STAP2: variants seen among roughly 807,000 people sequenced by gnomAD.
The protein encoded by STAP2 is signal-transducing adaptor protein 2.
In STAP2, 58 loss-of-function variants were observed where a neutral mutation model predicts 52.7. That is an observed-to-expected ratio of 1.10 (90% confidence interval 0.89 to 1.37). The LOEUF (loss-of-function observed/expected upper bound fraction) is 1.37, where lower values mean the gene tolerates loss of function less well. Ranked by LOEUF, STAP2 falls within the 40% of genes most tolerant of loss-of-function variation. STAP2 has a pLI of 0.00. For missense variants in STAP2, 522 were observed against 519.4 expected (o/e 1.00, Z -0.05); for synonymous variants, 231 against 210.5 (o/e 1.10, Z -0.84).
At chr19:4,326,488 A>G (rs959350328) in intron 9 of STAP2, among the ~76,000 whole-genome samples, 7 of 151,824 alleles carry the variant, frequency 4.6e-5, no homozygotes, top group African/African-American at 1.7e-4. Context: ...CATAAACAGG[A>G]CCGATTTCCA....
chr19:4,335,832 T>C (rs574699604), intron 1 of STAP2, among the ~76,000 whole-genome samples: 108 of 152,256 alleles, frequency 7.1e-4, no homozygotes, highest in African/African-American at 2.4e-3. Flanking sequence ...CACCAGGGCC[T>C]GCGTTGAGTC....
chr19:4,334,853 T>C (rs57159556), intron 1 of STAP2, among the ~76,000 whole-genome samples: 26 of 26,764 alleles, frequency 9.7e-4, no homozygotes, highest in Non-Finnish European at 1.5e-3. Context: ...ATCCATCCAC[T>C]CATCTATCAA....
intron 1 of STAP2, among the ~76,000 whole-genome samples, 169 bp from the exon 2 acceptor site, chr19:4,334,213 G>A (rs530107181): frequency 6.6e-6 from 1 of 152,126 alleles, no homozygotes; most frequent in East Asian, 1.9e-4. Context: ...ACCTTCTCAG[G>A]GAGATCCTCC....
Position 4,327,156 on chromosome 19 carries a change from A to G in STAP2, c.731T>C (p.Phe244Ser). ...CTTCTCGTAGTCCTCGTCTAACAGG[A>G]ATGGCACCAGCGCCTTTTTGGTATG... The part of the protein sequence containing the change: ...VSHTKKALVP[F>S]LLDEDYEKVL... The change falls in exon 8 of 13, where the codon TTC becomes TCC. Residue 244 changes from phenylalanine (F) to serine (S), a missense_variant. Physicochemically the swap from Phe to Ser is radical, Grantham distance 155. Transcript: ENST00000594605. 6.2e-7 allele frequency: 1 copy of G among 1,614,162 alleles called. No individual in the cohort carries two copies. The highest frequency in any genetic ancestry group is 8.5e-7 in the Non-Finnish European group (1 of 1,180,018).
chr19:4,331,004 C>T (rs12975014), intron 4 of STAP2, among the ~76,000 whole-genome samples: 3 of 151,962 alleles, frequency 2.0e-5, no homozygotes, highest in African/African-American at 7.2e-5. Context: ...TGAGCCACCA[C>T]GCCTGGCCAA....
At chr19:4,331,795 G>A (rs1309519532) in intron 4 of STAP2, among the ~76,000 whole-genome samples, 2 of 151,994 alleles carry the variant, frequency 1.3e-5, no homozygotes, top group South Asian at 2.1e-4. Flanking sequence ...AGCCGGGCGT[G>A]GTGGCGGGCT....
At chr19:4,336,588 C>T (rs2144796956) in intron 1 of STAP2, among the ~76,000 whole-genome samples, 1 of 151,982 alleles carries the variant, frequency 6.6e-6, no homozygotes, top group African/African-American at 2.4e-5. Context: ...TGTTGGGTTA[C>T]AGGCGTGAGC....
chr19:4,334,800 AT>A (rs1971947942), intron 1 of STAP2, among the ~76,000 whole-genome samples: 5 of 4,768 alleles, frequency 1.0e-3, no homozygotes, highest in Admixed American at 4.1e-3. Context: ...CCATCCATCC[AT>A]CCCTCCATCA....
intron 1 of STAP2, among the ~76,000 whole-genome samples, chr19:4,336,266 C>T (rs1971978577): frequency 1.3e-5 from 2 of 151,356 alleles, no homozygotes; most frequent in Non-Finnish European, 2.9e-5. Context: ...CCGCCGGCCT[C>T]GCCCTCCCAA....
chr19:4,334,487 T>C (rs1482025283), intron 1 of STAP2, among the ~76,000 whole-genome samples: 1 of 150,964 alleles, frequency 6.6e-6, no homozygotes, highest in African/African-American at 2.4e-5. Flanking sequence ...ATTCACCCAT[T>C]CATCCATCCA....
intron 1 of STAP2, 116 bp downstream of exon 1, chr19:4,338,536 G>A (rs1285270109): frequency 1.0e-6 from 1 of 1,001,912 alleles, no homozygotes; most frequent in South Asian, 1.7e-5. Context: ...CACGTGTCCT[G>A]CCCCATCCAG....
intron 4 of STAP2, 56 bp downstream of exon 4, chr19:4,331,966 C>T: frequency 1.9e-6 from 3 of 1,541,322 alleles, no homozygotes; most frequent in Middle Eastern, 1.7e-4. Context: ...AAAAAGGAGG[C>T]TTTTTGAGGA....
intron 1 of STAP2, chr19:4,338,326 T>C (rs74597185): frequency 0.043 from 7,292 of 169,658 alleles, 178 homozygotes; most frequent in Middle Eastern, 0.11. Context: ...AAGTCCCTGA[T>C]CTTGTTTGTA....
At chr19:4,324,797 C>G (rs1971757855) in intron 11 of STAP2, 1 of 458,486 alleles carries the variant, frequency 2.2e-6, no homozygotes, top group African/African-American at 2.0e-5. Context: ...GCGCCACTGC[C>G]TGGGCAACAG....
chr19:4,329,501 C>T (rs910946901), intron 5 of STAP2, among the ~76,000 whole-genome samples: 1 of 151,986 alleles, frequency 6.6e-6, no homozygotes, highest in Admixed American at 6.5e-5. Flanking sequence ...AGATCCTGTC[C>T]CGCCCTCCAA....
At position 4,328,839 on chromosome 19, in the gene STAP2, C is replaced by T. The variant is rs754690408; in HGVS notation, c.456-30G>A. 6 of 1,601,794 alleles carry T rather than the reference C, an allele frequency of 3.7e-6. No individual in the cohort carries two copies. The East Asian group carries it at 1.1e-4, about 30-fold the overall frequency. On this transcript the variant is annotated intron_variant, in intron 5 of 12. Transcript: ENST00000594605. ...GGCGGGCCGCGTCACCCACTCGGGA[C>T]CCCGGAGACCAAGTCCGCTCTTCTG...
At chr19:4,338,392 C>CTGAGACAGACATCGGG (rs1457972703) in intron 1 of STAP2, 17 of 320,394 alleles carry the variant, frequency 5.3e-5, no homozygotes, top group Non-Finnish European at 8.8e-5. Context: ...GAGAGGGAGA[C>CTGAGACAGACATCGGG]TGAGACAGAC....
At chr19:4,332,666 G>C (rs115350841) in intron 3 of STAP2, among the ~76,000 whole-genome samples, 1,796 of 150,410 alleles carry the variant, frequency 0.012, 33 homozygotes, top group African/African-American at 0.042. Context: ...AACATAGCGA[G>C]CCCCCTGTCT....
intron 3 of STAP2, among the ~76,000 whole-genome samples, chr19:4,332,388 T>TAA (rs972319272): frequency 2.0e-5 from 3 of 151,238 alleles, no homozygotes; most frequent in Admixed American, 2.0e-4. Context: ...TTTTTTCTCT[T>TAA]AGACATGAGG....
Sources: gnomAD v4.1 joint callset for allele counts (sites outside exome capture counted in the v4.1 genomes callset) on GRCh38, gnomAD v4.1.1 for gene constraint, MANE v1.5 for transcripts, NCBI Gene and HGNC (gene_info 2026-07-23, HGNC 2026-07-21) for gene names.